The following GALNTL6 variants were observed in gnomAD, a reference collection of about 807,000 sequenced individuals.
GALNTL6 encodes polypeptide N-acetylgalactosaminyltransferase-like 6.
GALNTL6 carries 46 observed loss-of-function variants against 73.7 expected under a neutral mutation model. The observed-to-expected ratio is 0.62, with a 90% CI of 0.49 to 0.80. GALNTL6 has a LOEUF of 0.80. GALNTL6 is among the 30% of genes least tolerant of loss of function. GALNTL6 has a pLI of 0.00. For synonymous variants in GALNTL6, 259 were observed against 263.7 expected, an observed-to-expected ratio of 0.98 and a Z score of 0.17; for missense variants, 604 against 755.0, an observed-to-expected ratio of 0.80 and a Z score of 2.34.
intron 5 of GALNTL6, among the ~76,000 whole-genome samples, chr4:172,498,353 T>C (rs1561112126): frequency 6.6e-6 from 1 of 152,172 alleles, no homozygotes; most frequent in African/African-American, 2.4e-5. Context: ...CTTGTTTTAA[T>C]GTTGTGTTGG....
intron 4 of GALNTL6, among the ~76,000 whole-genome samples, chr4:172,322,404 C>G (rs945955256): frequency 1.1e-4 from 16 of 152,134 alleles, no homozygotes; most frequent in Non-Finnish European, 1.8e-4. Context: ...AATTCACCAC[C>G]TATAACACCA....
chr4:171,893,725 G>GA (rs1015242732), intron 2 of GALNTL6, among the ~76,000 whole-genome samples: 4 of 152,078 alleles, frequency 2.6e-5, no homozygotes, highest in Non-Finnish European at 4.4e-5. Context: ...CAGGTACTTA[G>GA]AAAAATCACT....
At chr4:172,447,232 C>A (rs1243632552) in intron 5 of GALNTL6, among the ~76,000 whole-genome samples, 1 of 152,144 alleles carries the variant, frequency 6.6e-6, no homozygotes, top group African/African-American at 2.4e-5. Flanking sequence ...CAGAAATGTT[C>A]TTTCTTTCCT....
At chr4:172,136,545 A>G (rs373036140) in intron 2 of GALNTL6, among the ~76,000 whole-genome samples, 1 of 152,038 alleles carries the variant, frequency 6.6e-6, no homozygotes, top group Non-Finnish European at 1.5e-5. Context: ...AAAGCGATCT[A>G]AAGATCAGAA....
intron 7 of GALNTL6, among the ~76,000 whole-genome samples, chr4:172,854,608 T>C (rs1744027717): frequency 6.6e-6 from 1 of 152,128 alleles, no homozygotes; most frequent in African/African-American, 2.4e-5. Flanking sequence ...CAAAAGTCAC[T>C]CCTTTCAACT....
chr4:172,789,145 C>T (rs1739852162), intron 5 of GALNTL6, among the ~76,000 whole-genome samples: 1 of 152,162 alleles, frequency 6.6e-6, no homozygotes, highest in Non-Finnish European at 1.5e-5. Flanking sequence ...GTAGAAAGCT[C>T]AGTCCTCAAA....
intron 2 of GALNTL6, among the ~76,000 whole-genome samples, chr4:171,920,677 T>C (rs1013425661): frequency 6.6e-6 from 1 of 151,982 alleles, no homozygotes; most frequent in Non-Finnish European, 1.5e-5. Context: ...CAAATAGAAA[T>C]CAATGTATAA....
chr4:172,683,348 G>A (rs1463080487), intron 5 of GALNTL6, among the ~76,000 whole-genome samples: 3 of 152,170 alleles, frequency 2.0e-5, no homozygotes. Flanking sequence ...TGCTTCCCTT[G>A]ATAATGAGAA....
At chr4:172,183,419 G>T (rs1043963859) in intron 2 of GALNTL6, among the ~76,000 whole-genome samples, 1 of 152,160 alleles carries the variant, frequency 6.6e-6, no homozygotes, top group South Asian at 2.1e-4. Context: ...GGTGTTTTCT[G>T]AAATGACAAA....
intron 5 of GALNTL6, among the ~76,000 whole-genome samples, chr4:172,360,927 C>A (rs921054276): frequency 1.3e-5 from 2 of 152,104 alleles, no homozygotes; most frequent in Admixed American, 1.3e-4. Flanking sequence ...GCTTTCAAGT[C>A]CTGCACAGAA....
intron 4 of GALNTL6, among the ~76,000 whole-genome samples, chr4:172,330,166 T>G (rs1219610151): frequency 2.0e-5 from 3 of 152,222 alleles, no homozygotes. Flanking sequence ...ACTCCTGTTT[T>G]GCTGGAGTTG....
intron 5 of GALNTL6, among the ~76,000 whole-genome samples, chr4:172,404,100 G>C (rs113154118): frequency 3.1e-4 from 46 of 148,700 alleles, no homozygotes; most frequent in Non-Finnish European, 5.3e-4. Context: ...CTCTCTCTCT[G>C]TAAGTATATA....
Position 172,843,850 on chromosome 4 carries a change from G to A in GALNTL6, c.923+30127G>A, listed in dbSNP as rs1473068332. Among the ~76,000 whole-genome samples, 3 of 152,138 alleles carry A rather than the reference G, an allele frequency of 2.0e-5. No homozygotes were observed. In the East Asian group the frequency reaches 5.8e-4, roughly 29 times the overall value. On this transcript the variant is annotated intron_variant, in intron 7 of 12. Coordinates refer to ENST00000506823, the MANE Select transcript of GALNTL6 (RefSeq NM_001034845.3). ...AAGGCAGGCAGATCGCTTGAAGTTAGGAGTTCCTGACCAGCCTGGGCACCA... is the reference window on the plus strand; with the variant it reads ...AAGGCAGGCAGATCGCTTGAAGTTAAGAGTTCCTGACCAGCCTGGGCACCA...
chr4:172,168,497 G>T (rs1022299495), intron 2 of GALNTL6, among the ~76,000 whole-genome samples: 7 of 152,180 alleles, frequency 4.6e-5, no homozygotes, highest in Admixed American at 1.3e-4. Context: ...TGATGATGGT[G>T]CTGGTGGTGG....
chr4:171,911,431 C>T (rs997543148), intron 2 of GALNTL6, among the ~76,000 whole-genome samples: 2 of 152,174 alleles, frequency 1.3e-5, no homozygotes, highest in Non-Finnish European at 2.9e-5. Flanking sequence ...GGATTACAGG[C>T]GTGAGCCACT....
At chr4:172,728,769 GTTCTACTTGTAGGTTTTTGAGGAGA>G (rs1156923901) in intron 5 of GALNTL6, among the ~76,000 whole-genome samples, 1 of 152,174 alleles carries the variant, frequency 6.6e-6, no homozygotes, top group Non-Finnish European at 1.5e-5. Flanking sequence ...CAATATGAAA[GTTCTACTTGTAGGTTTTTGAGGAGA>G]TTCCATAATG....
chr4:172,744,304 A>T (rs1446350058), intron 5 of GALNTL6, among the ~76,000 whole-genome samples: 1 of 152,134 alleles, frequency 6.6e-6, no homozygotes, highest in Non-Finnish European at 1.5e-5. Flanking sequence ...ATCAGTAATA[A>T]ATTCCCTTTC....
At chr4:172,613,364 G>T (rs1738602828) in intron 5 of GALNTL6, among the ~76,000 whole-genome samples, 1 of 152,024 alleles carries the variant, frequency 6.6e-6, no homozygotes, top group Admixed American at 6.6e-5. Flanking sequence ...GGCCTGTGAA[G>T]AGTAAGGGAG....
chr4:171,951,732 T>A (rs1310189049), intron 2 of GALNTL6, among the ~76,000 whole-genome samples: 3 of 151,848 alleles, frequency 2.0e-5, no homozygotes, highest in South Asian at 4.1e-4. Context: ...GCGGAAAAAA[T>A]TGCTGGAAAA....
Sources: allele counts gnomAD v4.1 joint callset (sites outside exome capture counted in the v4.1 genomes callset), GRCh38; gene constraint gnomAD v4.1.1; transcripts MANE v1.5; gene names NCBI Gene and HGNC (gene_info 2026-07-23, HGNC 2026-07-21).